Variants in SRPK2 observed in about 807,000 individuals in gnomAD.
SRPK2 encodes the protein SFRS protein kinase 2.
Under a neutral mutation model 90.8 loss-of-function variants are expected in SRPK2, and 21 were observed. The observed-to-expected ratio is 0.23, with a 90% CI of 0.16 to 0.33. The LOEUF is 0.33. Among genes scored for constraint, SRPK2 ranks in the 10% least tolerant of loss-of-function variants. The pLI is 1.00. For synonymous variants in SRPK2, 288 were observed against 311.1 expected (o/e 0.93, Z 0.78); for missense variants, 620 against 869.0 (o/e 0.71, Z 3.60).
chr7:105,279,159 T>C (rs1806926081), intron 2 of SRPK2, among the ~76,000 whole-genome samples: 1 of 150,078 alleles, frequency 6.7e-6, no homozygotes, highest in South Asian at 2.1e-4. Context: ...CCACAGACTA[T>C]GTCATGTTCG....
intron 2 of SRPK2, among the ~76,000 whole-genome samples, chr7:105,282,168 C>T (rs778504089): frequency 4.2e-4 from 64 of 152,288 alleles, no homozygotes; most frequent in Non-Finnish European, 7.5e-4. Context: ...AATAAACCCT[C>T]ACATTACAAT....
chr7:105,318,640 C>A (rs1022515862), intron 2 of SRPK2, among the ~76,000 whole-genome samples: 8 of 152,278 alleles, frequency 5.3e-5, no homozygotes, highest in Middle Eastern at 3.4e-3. Context: ...TATGTTCTTT[C>A]CGTCACACAC....
At chr7:105,231,134 T>G (rs1243550632) in intron 2 of SRPK2, among the ~76,000 whole-genome samples, 2 of 152,194 alleles carry the variant, frequency 1.3e-5, no homozygotes, top group Non-Finnish European at 2.9e-5. Context: ...TTGTGCTGAT[T>G]TGATGAGTTC....
rs528326989 is a variant in SRPK2 at position 105,118,047 on chromosome 7, G to A, written c.1916-25C>T. On this transcript the variant is annotated intron_variant, in intron 15 of 15. Transcript: ENST00000393651. The stretch of plus-strand genomic sequence containing the variant: ...CCTACAGGGGAAAAAACAGGCCAAT[G>A]TCAAGAAAGCTCCAAATCTGCATTC... 1.7e-4 allele frequency: 276 copies of A among 1,606,958 alleles called. 1 individual carries two copies. In the South Asian group the frequency reaches 2.7e-3, roughly 16 times the overall value.
intron 6 of SRPK2, among the ~76,000 whole-genome samples, chr7:105,163,881 G>A (rs557011178): frequency 6.6e-6 from 1 of 152,268 alleles, no homozygotes; most frequent in African/African-American, 2.4e-5. Flanking sequence ...CAACACCACA[G>A]ACTTCACGAC....
At chr7:105,277,099 C>T (rs1806613906) in intron 2 of SRPK2, among the ~76,000 whole-genome samples, 2 of 151,636 alleles carry the variant, frequency 1.3e-5, no homozygotes, top group Admixed American at 1.3e-4. Flanking sequence ...TTTTTTGAGA[C>T]AGAGTCTCAC....
chr7:105,206,375 G>A (rs941904889), intron 2 of SRPK2: 1 of 182,756 alleles, frequency 5.5e-6, no homozygotes, highest in Non-Finnish European at 1.2e-5. Flanking sequence ...TCATTATAAT[G>A]TCTCTCTCAC....
rs533483686 is a variant in SRPK2, at chr7:105,242,883, A to G, written c.72-39098T>C. ...CTGAACATGAGGAATGGAAAGCTAC[A>G]AAAGCCTAAAGCTTACCACAGAAGT... is the stretch of plus-strand genomic sequence containing the variant. On this transcript the variant is annotated intron_variant, in intron 2 of 15. Coordinates refer to ENST00000393651, the MANE Select transcript of SRPK2 (RefSeq NM_182692.3). Among the ~76,000 whole-genome samples, 3 of 152,366 alleles carry G rather than the reference A, an allele frequency of 2.0e-5. No individual in the cohort carries two copies. The South Asian group carries it at 6.2e-4, about 32-fold the overall frequency.
In SRPK2 at chr7:105,126,975, G is replaced by A; in HGVS notation, c.1822+18C>T. On this transcript the variant is annotated intron_variant, in intron 14 of 15. Transcript: ENST00000393651. ...CAGAAGACCTAGACCGAGGTATTCA[G>A]CAGGCACCAATACTCACCTTCGTCT... is the stretch of plus-strand genomic sequence containing the variant. 6.2e-7 allele frequency: 1 copy of A among 1,613,554 alleles called. No individual in the cohort carries two copies. Among genetic ancestry groups the A allele is most frequent in the African/African-American group, 1.3e-5 (1 of 75,038 alleles).
chr7:105,396,504 G>A (rs989341439), intron 1 of SRPK2, among the ~76,000 whole-genome samples: 7 of 151,808 alleles, frequency 4.6e-5, no homozygotes, highest in African/African-American at 1.7e-4. Flanking sequence ...GGTGGCAGGT[G>A]CCTGTAGTCC....
rs371155368 is a variant in SRPK2 at position 105,253,905 on chromosome 7, A to T, written c.72-50120T>A. 5.3e-3 allele frequency among the ~76,000 whole-genome samples: 260 copies of T among 48,962 alleles called. 2 individuals are homozygous for T. Among genetic ancestry groups the T allele is most frequent in the African/African-American group, 0.016 (250 of 15,226 alleles). The allele number at this position is 48,962 out of a possible 152,430, so 32.1% of individuals were successfully genotyped here. A position where few individuals can be genotyped will look rare whatever the true frequency, so the allele number is the denominator to read the frequency against. ...GTACATCTTTATTTTAAAAAAAAAC[A>T]AACAAACAAAAAAAAACAAGCCAGC... On this transcript the variant is annotated intron_variant, in intron 2 of 15. Coordinates refer to ENST00000393651, the MANE Select transcript of SRPK2 (RefSeq NM_182692.3).
Position 105,277,710 on chromosome 7 carries a change from T to C in SRPK2, c.72-73925A>G, listed in dbSNP as rs376314229. ...ATTCTGCAAAACATAAAAATCATCA[T>C]TGGTAAACTGAACATTCAAAAAACT... On this transcript the variant is annotated intron_variant, in intron 2 of 15. Coordinates refer to ENST00000393651, the MANE Select transcript of SRPK2 (RefSeq NM_182692.3). Among the ~76,000 whole-genome samples the C allele has an allele frequency of 9.2e-5, 14 of 152,168 alleles. No individual in the cohort carries two copies. In the East Asian group the frequency reaches 1.7e-3, roughly 19 times the overall value.
At chr7:105,353,796 C>T (rs1311729996) in intron 2 of SRPK2, among the ~76,000 whole-genome samples, 2 of 152,160 alleles carry the variant, frequency 1.3e-5, no homozygotes, top group East Asian at 3.8e-4. Context: ...ACAGGACAAA[C>T]TAAAGAAGCT....
chr7:105,310,063 A>G (rs1346100124), intron 2 of SRPK2, among the ~76,000 whole-genome samples: 2 of 152,232 alleles, frequency 1.3e-5, no homozygotes, highest in Non-Finnish European at 2.9e-5. Context: ...TATGAGTCCT[A>G]GTAGGTCTAA....
intron 2 of SRPK2, among the ~76,000 whole-genome samples, chr7:105,312,441 A>AAAAAAG (rs1260280604): frequency 6.7e-6 from 1 of 150,184 alleles, no homozygotes; most frequent in African/African-American, 2.5e-5. Flanking sequence ...CTCCGTCAAA[A>AAAAAAG]AAAAAAAAAA....
At chr7:105,362,976 G>A (rs1818605702) in intron 2 of SRPK2, among the ~76,000 whole-genome samples, 1 of 151,856 alleles carries the variant, frequency 6.6e-6, no homozygotes. Context: ...TCACTCATAG[G>A]AACTGAACAA....
chr7:105,128,156 T>A (rs1801473162), intron 13 of SRPK2, among the ~76,000 whole-genome samples: 1 of 152,100 alleles, frequency 6.6e-6, no homozygotes, highest in Admixed American at 6.5e-5. Context: ...CAGGACCACA[T>A]CTTTTCACCT....
intron 2 of SRPK2, among the ~76,000 whole-genome samples, chr7:105,369,346 T>C (rs60446665): frequency 0.18 from 27,602 of 151,770 alleles, 3,181 homozygotes; most frequent in East Asian, 0.58. Context: ...CAGGGCTTCA[T>C]CACGCTGGCC....
intron 2 of SRPK2, among the ~76,000 whole-genome samples, chr7:105,305,317 G>A (rs1261658844): frequency 1.3e-5 from 2 of 152,008 alleles, no homozygotes; most frequent in Non-Finnish European, 2.9e-5. Context: ...CAGGTGGTGG[G>A]CACCTGTAAT....
Sources: allele counts gnomAD v4.1 joint callset (sites outside exome capture counted in the v4.1 genomes callset), GRCh38; gene constraint gnomAD v4.1.1; transcripts MANE v1.5; gene names NCBI Gene and HGNC (gene_info 2026-07-23, HGNC 2026-07-21).